Variants in PHLPP2 observed in about 807,000 individuals in gnomAD.
PHLPP2 encodes the protein PH domain leucine-rich repeat-containing protein phosphatase 2.
A neutral mutation model predicts 124.9 loss-of-function variants in PHLPP2; 66 were observed. The observed-to-expected ratio is 0.53, with a 90% confidence interval of 0.43 to 0.65. The LOEUF (loss-of-function observed/expected upper bound fraction) is 0.65. Among genes scored for constraint, PHLPP2 ranks in the 30% least tolerant of loss-of-function variants. PHLPP2 has a pLI of 0.00. For synonymous variants in PHLPP2, 681 were observed against 624.7 expected, an observed-to-expected ratio of 1.09 and a Z score of -1.34; for missense variants, 1,685 against 1,600.4, an observed-to-expected ratio of 1.05 and a Z score of -0.90.
intron 17 of PHLPP2, 25 bp downstream of exon 17, chr16:71,655,215 G>A (rs755182793): frequency 4.6e-6 from 7 of 1,526,476 alleles, no homozygotes; most frequent in Non-Finnish European, 4.5e-6. Flanking sequence ...AACTGAGTTA[G>A]GGATTTTTCA....
chr16:71,671,246 T>G (rs1440277041), intron 10 of PHLPP2, among the ~76,000 whole-genome samples: 3 of 152,076 alleles, frequency 2.0e-5, no homozygotes. Context: ...AGTAACGAAA[T>G]CAACAAAAAG....
rs115110585 is a variant in PHLPP2, at chr16:71,696,153, C to T, written c.419-5444G>A. ...ATTAGGGTGGTGGAATGTTTTTCTA[C>T]CACGTTACTCCTATATTTTAACAAA... On this transcript the variant is annotated intron_variant, in intron 3 of 18. Coordinates refer to ENST00000568954, the MANE Select transcript of PHLPP2 (RefSeq NM_015020.3). Among the ~76,000 whole-genome samples, 661 of 152,202 alleles carry T rather than the reference C, an allele frequency of 4.3e-3. 11 individuals carry two copies. The highest frequency in any genetic ancestry group is 0.015 in the African/African-American group (640 of 41,532).
chr16:71,702,781 G>C, intron 2 of PHLPP2, 50 bp from the exon 3 acceptor site: 1 of 1,314,686 alleles, frequency 7.6e-7, no homozygotes, highest in Non-Finnish European at 1.0e-6. Flanking sequence ...TAATAAAAAT[G>C]GTTCATTTAA....
Position 71,649,299 on chromosome 16 carries a change from C to A in PHLPP2, c.3563G>T (p.Ser1188Ile). Residue 1188 changes from serine to isoleucine, a missense_variant, in exon 19 of 19, where the codon AGT becomes ATT. Transcript: ENST00000568954. ...TTCCTCAGAACACAGGGTAGGAGAACTCTCTATGAGAGGGGGTGAGTTCTC... is the reference window on the plus strand; with the variant it reads ...TTCCTCAGAACACAGGGTAGGAGAAATCTCTATGAGAGGGGGTGAGTTCTC... ...DLENSPPLIE[S>I]SPTLCSEEHA... 1 of 1,614,080 alleles carries A rather than the reference C, an allele frequency of 6.2e-7. No individual in the cohort carries two copies. Among genetic ancestry groups the A allele is most frequent in the South Asian group, 1.1e-5 (1 of 91,084 alleles).
chr16:71,668,133 C>T (rs1022735387), intron 11 of PHLPP2, among the ~76,000 whole-genome samples: 1 of 150,784 alleles, frequency 6.6e-6, no homozygotes, highest in Non-Finnish European at 1.5e-5. Flanking sequence ...AGGCTCTGGC[C>T]GGGGGTGGTG....
chr16:71,705,341 T>C (rs982902616), intron 2 of PHLPP2, among the ~76,000 whole-genome samples: 3 of 152,310 alleles, frequency 2.0e-5, no homozygotes, highest in Admixed American at 6.5e-5. Flanking sequence ...CAAACAATTA[T>C]ACTTTCAGGC....
intron 13 of PHLPP2, among the ~76,000 whole-genome samples, chr16:71,660,235 G>A (rs1203123280): frequency 1.3e-5 from 2 of 151,668 alleles, no homozygotes; most frequent in African/African-American, 2.4e-5. Flanking sequence ...GGCCAGGTAG[G>A]TGTGGTGGCT....
chr16:71,702,522 A>G (rs2045241691), intron 3 of PHLPP2, 76 bp downstream of exon 3: 1 of 1,235,478 alleles, frequency 8.1e-7, no homozygotes. Flanking sequence ...TACCTTTAAA[A>G]AGCTGACGGC....
chr16:71,675,455 T>C (rs1192833530), intron 9 of PHLPP2, among the ~76,000 whole-genome samples: 7 of 152,212 alleles, frequency 4.6e-5, no homozygotes, highest in African/African-American at 1.2e-4. Context: ...ATCAGTGGCT[T>C]CTCATTCTAG....
intron 13 of PHLPP2, among the ~76,000 whole-genome samples, chr16:71,659,412 C>A (rs973771024): frequency 6.6e-6 from 1 of 152,002 alleles, no homozygotes; most frequent in Non-Finnish European, 1.5e-5. Flanking sequence ...CCACCACGCC[C>A]GGCTAATTGT....
At chr16:71,702,825 G>T in intron 2 of PHLPP2, 94 bp from the exon 3 acceptor site, 1 of 758,526 alleles carries the variant, frequency 1.3e-6, no homozygotes, top group Non-Finnish European at 2.0e-6. Context: ...AAATTTCAGG[G>T]GTACAAGTGC....
At position 71,656,587 on chromosome 16, in the gene PHLPP2, C is replaced by T. The variant is rs764892741; in HGVS notation, c.2374G>A (p.Ala792Thr). The T allele has an allele frequency of 2.5e-6, 4 of 1,606,004 alleles. No individual in the cohort carries two copies. The African/African-American group carries it at 5.4e-5, about 21-fold the overall frequency. Reference sequence around the variant, plus strand: ...TATACTCACTTATTTCTCTGCCCTGCCATCTCAGCCAGTCCATGGCTCCAG... The same window carrying T: ...TATACTCACTTATTTCTCTGCCCTGTCATCTCAGCCAGTCCATGGCTCCAG... ...TFWSHGLAEMAGQRNKLCVSA... is the reference protein window; with the variant it reads ...TFWSHGLAEMTGQRNKLCVSA... Residue 792 changes from alanine (A) to threonine (T), a missense_variant, in exon 16 of 19, where the codon GCA (alanine) becomes ACA (threonine). Coordinates refer to ENST00000568954, the MANE Select transcript of PHLPP2 (RefSeq NM_015020.3).
At chr16:71,708,043 G>A (rs1380468092) in intron 2 of PHLPP2, among the ~76,000 whole-genome samples, 1 of 152,136 alleles carries the variant, frequency 6.6e-6, no homozygotes, top group Non-Finnish European at 1.5e-5. Flanking sequence ...GAATCACCAG[G>A]TCAAAGCCTT....
chr16:71,722,722 A>G (rs996300868), intron 1 of PHLPP2, among the ~76,000 whole-genome samples: 5 of 152,162 alleles, frequency 3.3e-5, no homozygotes. Context: ...GGCAAGTTTC[A>G]TATCCTGAAT....
At position 71,649,216 on chromosome 16, in the gene PHLPP2, G is replaced by A; in HGVS notation, c.3646C>T (p.Leu1216Phe). ...ATCCTGTCCTTGCTCATTGGCAGGA[G>A]CATGCCACTATTCACACTGTTCTGT... ...RRQNSVNSGM[L>F]LPMSKDRMEL... Residue 1216 changes from leucine to phenylalanine, a missense_variant, in exon 19 of 19, where the codon CTC becomes TTC. Coordinates refer to ENST00000568954, the MANE Select transcript of PHLPP2 (RefSeq NM_015020.3). 1 of 1,613,528 alleles carries A rather than the reference G, an allele frequency of 6.2e-7. No individual in the cohort carries two copies.
intron 2 of PHLPP2, among the ~76,000 whole-genome samples, chr16:71,704,203 C>T (rs553837012): frequency 7.1e-4 from 106 of 148,352 alleles, no homozygotes; most frequent in Non-Finnish European, 7.8e-4. Flanking sequence ...CCCAGCTACT[C>T]GGGAGGCTGA....
chr16:71,721,595 TA>T (rs950881575), intron 1 of PHLPP2, among the ~76,000 whole-genome samples: 2 of 151,134 alleles, frequency 1.3e-5, no homozygotes, highest in African/African-American at 4.9e-5. Flanking sequence ...GCTATGTCTC[TA>T]AAAAAAAATC....
At chr16:71,716,480 C>T (rs1022751498) in intron 1 of PHLPP2, among the ~76,000 whole-genome samples, 1 of 152,194 alleles carries the variant, frequency 6.6e-6, no homozygotes, top group Admixed American at 6.5e-5. Flanking sequence ...ACAATTTCTA[C>T]AGGTAATATA....
At chr16:71,664,956 G>C (rs1206050620) in intron 12 of PHLPP2, among the ~76,000 whole-genome samples, 2 of 152,092 alleles carry the variant, frequency 1.3e-5, no homozygotes, top group African/African-American at 4.8e-5. Context: ...GGGATCAAAG[G>C]ATATACATTT....
Sources: allele counts gnomAD v4.1 joint callset (sites outside exome capture counted in the v4.1 genomes callset), GRCh38; gene constraint gnomAD v4.1.1; transcripts MANE v1.5; gene names NCBI Gene and HGNC (gene_info 2026-07-23, HGNC 2026-07-21).